SLC35F1: variants seen among roughly 807,000 people sequenced by gnomAD.
SLC35F1 encodes the protein solute carrier family 35 member F1.
Under a neutral mutation model 48.7 loss-of-function variants are expected in SLC35F1, and 14 were observed. The ratio of observed to expected loss-of-function variants is 0.29; its 90% CI spans 0.19 to 0.45. The LOEUF (loss-of-function observed/expected upper bound fraction) is 0.45, where lower values mean the gene tolerates loss of function less well. Ranked by LOEUF, SLC35F1 falls within the 20% of genes least tolerant of loss-of-function variation. The pLI, the probability that SLC35F1 is intolerant of heterozygous loss-of-function variation, is 1.00. For missense variants in SLC35F1, 404 were observed against 500.0 expected, an observed-to-expected ratio of 0.81 and a Z score of 1.83; for synonymous variants, 190 against 202.2, an observed-to-expected ratio of 0.94 and a Z score of 0.51.
At chr6:118,052,605 T>C (rs1162291134) in intron 1 of SLC35F1, among the ~76,000 whole-genome samples, 1 of 152,216 alleles carries the variant, frequency 6.6e-6, no homozygotes, top group Admixed American at 6.5e-5. Flanking sequence ...ATCACTTTCG[T>C]GTCTGACCAG....
At chr6:118,052,732 G>GA (rs761442285) in intron 1 of SLC35F1, among the ~76,000 whole-genome samples, 108 of 151,966 alleles carry the variant, frequency 7.1e-4, no homozygotes, top group Middle Eastern at 3.4e-3. Flanking sequence ...GTTTATTTGT[G>GA]AAAAAAATAA....
chr6:118,279,720 C>A (rs1775959265), intron 6 of SLC35F1, among the ~76,000 whole-genome samples: 1 of 152,204 alleles, frequency 6.6e-6, no homozygotes, highest in East Asian at 1.9e-4. Flanking sequence ...CCACCCCACA[C>A]TCCTTGAGAA....
chr6:118,242,814 T>C (rs551807212), intron 3 of SLC35F1, among the ~76,000 whole-genome samples: 5 of 152,212 alleles, frequency 3.3e-5, no homozygotes, highest in Non-Finnish European at 7.3e-5. Context: ...CACGATAGTT[T>C]GGTAATTAAA....
chr6:118,112,752 A>T (rs1773426384), intron 1 of SLC35F1, among the ~76,000 whole-genome samples: 2 of 152,220 alleles, frequency 1.3e-5, no homozygotes, highest in Admixed American at 6.5e-5. Flanking sequence ...GAGGAAATAG[A>T]ATAATGTAAA....
chr6:118,298,024 C>T (rs921126313), intron 7 of SLC35F1, among the ~76,000 whole-genome samples: 2 of 151,974 alleles, frequency 1.3e-5, no homozygotes, highest in Non-Finnish European at 2.9e-5. Context: ...TCCCTGCTCT[C>T]TTGCTCCCTC....
intron 1 of SLC35F1, among the ~76,000 whole-genome samples, chr6:118,094,527 CA>C (rs1773121118): frequency 1.3e-5 from 2 of 152,080 alleles, no homozygotes; most frequent in African/African-American, 4.8e-5. Flanking sequence ...ATAAAATAGA[CA>C]GAAGAGAAGT....
chr6:117,976,526 T>TAAC (rs10668975), intron 1 of SLC35F1, among the ~76,000 whole-genome samples: 148,583 of 152,218 alleles, frequency 0.98, 72,624 homozygotes, highest in East Asian at 1. Flanking sequence ...ATTTAGATGA[T>TAAC]AAATAAAGAG....
intron 7 of SLC35F1, among the ~76,000 whole-genome samples, chr6:118,309,233 T>G (rs190470627): frequency 4.6e-5 from 7 of 151,640 alleles, no homozygotes; most frequent in Admixed American, 4.6e-4. Flanking sequence ...AAGAGACAGC[T>G]TACCCAGGTG....
At chr6:118,217,563 C>A (rs1016816756) in intron 2 of SLC35F1, among the ~76,000 whole-genome samples, 1 of 152,006 alleles carries the variant, frequency 6.6e-6, no homozygotes, top group African/African-American at 2.4e-5. Context: ...GGTTGCACAA[C>A]AATGCGAATT....
intron 1 of SLC35F1, among the ~76,000 whole-genome samples, chr6:117,955,103 T>C (rs1776412554): frequency 1.3e-5 from 2 of 152,304 alleles, no homozygotes; most frequent in African/African-American, 4.8e-5. Flanking sequence ...TTATAGTTAA[T>C]ACATTTTTTA....
chr6:118,025,435 C>T (rs1026130401), intron 1 of SLC35F1, among the ~76,000 whole-genome samples: 1 of 152,260 alleles, frequency 6.6e-6, no homozygotes, highest in East Asian at 1.9e-4. Flanking sequence ...CCTTGATCAC[C>T]TGGCTGAGAT....
At chr6:117,955,792 C>T (rs1469556701) in intron 1 of SLC35F1, among the ~76,000 whole-genome samples, 1 of 152,146 alleles carries the variant, frequency 6.6e-6, no homozygotes, top group Non-Finnish European at 1.5e-5. Flanking sequence ...CAGTTACTAC[C>T]CTTGTTACCT....
intron 1 of SLC35F1, among the ~76,000 whole-genome samples, chr6:118,154,004 G>T (rs1332186656): frequency 2.6e-5 from 4 of 152,140 alleles, no homozygotes; most frequent in Non-Finnish European, 5.9e-5. Context: ...ACGAGAACCT[G>T]AGGATGAGGT....
At chr6:118,213,268 G>T (rs1775030766) in intron 2 of SLC35F1, among the ~76,000 whole-genome samples, 1 of 152,182 alleles carries the variant, frequency 6.6e-6, no homozygotes, top group African/African-American at 2.4e-5. Context: ...TTTAAGGACT[G>T]TTTTTTCTAG....
chr6:118,251,158 T>C (rs1349703919), intron 3 of SLC35F1, among the ~76,000 whole-genome samples: 2 of 151,922 alleles, frequency 1.3e-5, no homozygotes, highest in Non-Finnish European at 2.9e-5. Flanking sequence ...CATGGTGGCA[T>C]GTGCCTGTGG....
chr6:117,967,171 A>G (rs989412088), intron 1 of SLC35F1, among the ~76,000 whole-genome samples: 1 of 152,232 alleles, frequency 6.6e-6, no homozygotes, highest in African/African-American at 2.4e-5. Context: ...AACACACAAA[A>G]TAGAACATTC....
rs1484847417 is a variant in SLC35F1, at chr6:118,247,700, A to G, written c.477+12064A>G. On this transcript the variant is annotated intron_variant, in intron 3 of 7. Coordinates refer to ENST00000360388, the MANE Select transcript of SLC35F1 (RefSeq NM_001029858.4). ...CTTCTGTAGTCCAGTATTACACCAC[A>G]CACAAAGTTTCCTACTTAAATTCTT... Among the ~76,000 whole-genome samples, 4 of 151,880 alleles carry G rather than the reference A, an allele frequency of 2.6e-5. No homozygotes were observed. The East Asian group carries it at 7.7e-4, about 29-fold the overall frequency.
intron 2 of SLC35F1, among the ~76,000 whole-genome samples, chr6:118,222,105 A>G (rs894890261): frequency 6.6e-6 from 1 of 152,128 alleles, no homozygotes; most frequent in African/African-American, 2.4e-5. Flanking sequence ...CATTTGGCCT[A>G]TATGATCAGT....
At chr6:118,252,471 G>A (rs1363494012) in intron 3 of SLC35F1, among the ~76,000 whole-genome samples, 1 of 152,100 alleles carries the variant, frequency 6.6e-6, no homozygotes. Flanking sequence ...GTAAAATGAA[G>A]AAAACTGGGG....
Sources: gnomAD v4.1 joint callset for allele counts (sites outside exome capture counted in the v4.1 genomes callset) on GRCh38, gnomAD v4.1.1 for gene constraint, MANE v1.5 for transcripts, NCBI Gene and HGNC (gene_info 2026-07-23, HGNC 2026-07-21) for gene names.